The following CEACAM4 variants were observed in gnomAD, a reference collection of about 807,000 sequenced individuals.
The protein encoded by CEACAM4 is cell adhesion molecule CEACAM4.
CEACAM4 carries 30 observed loss-of-function variants against 28.7 expected under a neutral mutation model. The observed-to-expected ratio is 1.05, with a 90% CI of 0.78 to 1.42. The LOEUF (loss-of-function observed/expected upper bound fraction) is 1.42, where lower values mean the gene tolerates loss of function less well. Ranked by LOEUF, CEACAM4 falls within the 40% of genes most tolerant of loss-of-function variation. CEACAM4 has a pLI of 0.00. For missense variants in CEACAM4, 330 were observed against 308.2 expected, an observed-to-expected ratio of 1.07 and a Z score of -0.53; for synonymous variants, 143 against 126.5, an observed-to-expected ratio of 1.13 and a Z score of -0.87.
downstream of CEACAM4, among the ~76,000 whole-genome samples, chr19:41,616,009 G>A (rs185167530): frequency 5.0e-3 from 756 of 152,194 alleles, 7 homozygotes; most frequent in Non-Finnish European, 7.3e-3. Flanking sequence ...AAAGTGAAGC[G>A]GGGAAGCAGT....
At chr19:41,626,147 C>T (rs1345994658) in intron 1 of CEACAM4, among the ~76,000 whole-genome samples, 187 bp from the exon 2 acceptor site, 4 of 147,844 alleles carry the variant, frequency 2.7e-5, no homozygotes, top group African/African-American at 7.5e-5. Context: ...CAGCATGACC[C>T]CCATTCCTTC....
Position 41,619,070 on chromosome 19 carries a change from C to G in CEACAM4, c.*260G>C. 2.0e-6 allele frequency: 1 copy of G among 512,162 alleles called. No individual in the cohort carries two copies. Among genetic ancestry groups the G allele is most frequent in the East Asian group, 3.3e-5 (1 of 30,702 alleles). The allele number at this position is 512,162 out of a possible 1,614,324, so 31.7% of individuals were successfully genotyped here. A position where few individuals can be genotyped will look rare whatever the true frequency, so the allele number is the denominator to read the frequency against. ...TTTCCTGGTGACCCCGGGTGGGCCA[C>G]AGGCCCATTCACTTTCCTTGCAAGC... On this transcript the variant is annotated 3_prime_UTR_variant, in exon 7 of 7. Coordinates refer to ENST00000221954, the MANE Select transcript of CEACAM4 (RefSeq NM_001817.4).
At chr19:41,618,355 T>C (rs1192812304), downstream of CEACAM4, among the ~76,000 whole-genome samples, 1 of 152,132 alleles carries the variant, frequency 6.6e-6, no homozygotes, top group Admixed American at 6.5e-5. Flanking sequence ...TGATGAGCAA[T>C]GAGGGGCCAG....
Position 41,620,258 on chromosome 19 carries a change from G to T in CEACAM4, c.596-16C>A. On this transcript the variant is annotated splice_polypyrimidine_tract_variant and intron_variant, in intron 4 of 6. Transcript: ENST00000221954. ...GGACCATGGCCTGGGGACAGAGACA[G>T]GAGTGAGCAGCAGGGTGGGAGGAGA... 6.8e-7 allele frequency: 1 copy of T among 1,469,706 alleles called. No individual in the cohort carries two copies. Among genetic ancestry groups the T allele is most frequent in the Non-Finnish European group, 9.0e-7 (1 of 1,113,778 alleles). The allele number at this position is 1,469,706 out of a possible 1,614,324, so 91.0% of individuals were successfully genotyped here.
chr19:41,614,784 G>A (rs2070967027), downstream of CEACAM4, among the ~76,000 whole-genome samples: 1 of 152,132 alleles, frequency 6.6e-6, no homozygotes, highest in Non-Finnish European at 1.5e-5. Context: ...AGTGGTGGGT[G>A]TTCTAGGAGG....
chr19:41,624,560 C>T (rs945701295), intron 2 of CEACAM4, among the ~76,000 whole-genome samples: 3 of 152,190 alleles, frequency 2.0e-5, no homozygotes, highest in Admixed American at 1.3e-4. Flanking sequence ...CCCCTCCGAG[C>T]TGTAGACACC....
intron 2 of CEACAM4, among the ~76,000 whole-genome samples, chr19:41,622,316 G>T (rs1440823512): frequency 2.6e-5 from 4 of 152,246 alleles, no homozygotes; most frequent in South Asian, 4.1e-4. Flanking sequence ...GACCTCAGAT[G>T]ATCTGCCCGC....
chr19:41,621,890 T>C, intron 2 of CEACAM4, 122 bp from the exon 3 acceptor site: 1 of 671,206 alleles, frequency 1.5e-6, no homozygotes, highest in Non-Finnish European at 2.7e-6. Context: ...CTGAGTGTGG[T>C]CTGTTGGGCT....
At chr19:41,614,546 A>G (rs1178288545), downstream of CEACAM4, among the ~76,000 whole-genome samples, 2 of 152,178 alleles carry the variant, frequency 1.3e-5, no homozygotes, top group Non-Finnish European at 2.9e-5. Flanking sequence ...CCTGTGTCCT[A>G]TTCTTTGCCC....
rs149447059 is a variant in CEACAM4, at chr19:41,623,017, TTTTG to T, written c.425-1253_425-1250del. Among the ~76,000 whole-genome samples, 6 of 152,262 alleles carry T rather than the reference TTTTG, an allele frequency of 3.9e-5. No individual in the cohort carries two copies. The East Asian group carries it at 5.8e-4, about 15-fold the overall frequency. ...CTTTAGCATATTAGCCAGTATTGTT[TTTTG>T]TTTGTTTGTTTTAGAGATGGAATCT... On this transcript the variant is annotated intron_variant, in intron 2 of 6. Transcript: ENST00000221954.
In CEACAM4 at chr19:41,621,738, G is replaced by A. The variant is rs1276485852; in HGVS notation, c.455C>T (p.Ala152Val). 6.2e-7 allele frequency: 1 copy of A among 1,612,042 alleles called. No homozygotes were observed. The highest frequency in any genetic ancestry group is 1.3e-5 in the African/African-American group (1 of 75,004). The change falls in exon 3 of 7, where the codon GCC becomes GTC. Residue 152 changes from alanine (A) to valine (V), a missense_variant. Coordinates refer to ENST00000221954, the MANE Select transcript of CEACAM4 (RefSeq NM_001817.4). ...QNNVPGLPVG[A>V]VAGIVTGVLV... ...GACCCCAGTCACGATGCCAGCGACGGCCCCCACAGGAAGGCCTGGGACGTT... is the reference window on the plus strand; with the variant it reads ...GACCCCAGTCACGATGCCAGCGACGACCCCCACAGGAAGGCCTGGGACGTT...
At chr19:41,620,516 G>C (rs1209373548) in intron 4 of CEACAM4, 59 bp downstream of exon 4, 2 of 1,429,492 alleles carry the variant, frequency 1.4e-6, no homozygotes, top group African/African-American at 1.4e-5. Context: ...TGACTGGCAG[G>C]AGTGGACACC....
At chr19:41,617,180 T>C (rs1318987289), downstream of CEACAM4, among the ~76,000 whole-genome samples, 5 of 152,190 alleles carry the variant, frequency 3.3e-5, no homozygotes, top group African/African-American at 1.2e-4. Context: ...CCATGAACTA[T>C]TGAAGGGCCG....
downstream of CEACAM4, among the ~76,000 whole-genome samples, chr19:41,618,624 C>T (rs1198214444): frequency 2.0e-5 from 3 of 152,132 alleles, no homozygotes; most frequent in African/African-American, 2.4e-5. Context: ...CTGGAGGCTG[C>T]GTAGGGGCCA....
At chr19:41,621,903 C>A in intron 2 of CEACAM4, 135 bp from the exon 3 acceptor site, 1 of 630,218 alleles carries the variant, frequency 1.6e-6, no homozygotes. Context: ...GTTGGGCTGT[C>A]CTCATAGCTG....
At chr19:41,625,274 C>T (rs781805811) in intron 2 of CEACAM4, among the ~76,000 whole-genome samples, 7 of 152,274 alleles carry the variant, frequency 4.6e-5, no homozygotes, top group South Asian at 4.1e-4. Flanking sequence ...GTTCCCAGGA[C>T]GCCCTCAGGC....
chr19:41,622,976 T>C (rs375304815), intron 2 of CEACAM4, among the ~76,000 whole-genome samples: 3 of 152,340 alleles, frequency 2.0e-5, no homozygotes, highest in East Asian at 3.9e-4. Flanking sequence ...ACATTGTCTA[T>C]GCTTTCCATT....
Position 41,627,017 on chromosome 19 carries a change from T to A in CEACAM4, c.-54A>T, listed in dbSNP as rs2071712582. The A allele has an allele frequency of 7.3e-6, 11 of 1,507,216 alleles. No homozygotes were observed. The highest frequency in any genetic ancestry group is 4.9e-5 in the East Asian group (2 of 40,954). 93.4% of individuals were successfully genotyped at this position (1,507,216 alleles called of 1,614,324 possible). On this transcript the variant is annotated 5_prime_UTR_variant, in exon 1 of 7. Coordinates refer to ENST00000221954, the MANE Select transcript of CEACAM4 (RefSeq NM_001817.4). ...GAGAGGAGCTGGGCTCCAGGAACGCTCTTGTCAGAGCTGCTGTGACTGTCG... is the reference window on the plus strand; with the variant it reads ...GAGAGGAGCTGGGCTCCAGGAACGCACTTGTCAGAGCTGCTGTGACTGTCG...
At chr19:41,620,336 A>T in intron 4 of CEACAM4, 94 bp from the exon 5 acceptor site, 3 of 1,165,290 alleles carry the variant, frequency 2.6e-6, no homozygotes, top group Non-Finnish European at 2.3e-6. Context: ...CCAGAGAATC[A>T]GGGAGAGGGA....
Sources: allele counts gnomAD v4.1 joint callset (sites outside exome capture counted in the v4.1 genomes callset), GRCh38; gene constraint gnomAD v4.1.1; transcripts MANE v1.5; gene names NCBI Gene and HGNC (gene_info 2026-07-23, HGNC 2026-07-21).